The following PKD2 variants were observed in gnomAD, a reference collection of about 807,000 sequenced individuals.
PKD2 encodes polycystin-2.
PKD2 carries 48 observed loss-of-function variants against 105.9 expected under a neutral mutation model. The ratio of observed to expected loss-of-function variants is 0.45; its 90% CI spans 0.36 to 0.58. The LOEUF (loss-of-function observed/expected upper bound fraction) is 0.58. Ranked by LOEUF, PKD2 falls within the 20% of genes least tolerant of loss-of-function variation. PKD2 has a pLI of 0.00. For synonymous variants in PKD2, 464 were observed against 481.1 expected (o/e 0.96, Z 0.46); for missense variants, 1,078 against 1,255.3 (o/e 0.86, Z 2.13).
intron 1 of PKD2, among the ~76,000 whole-genome samples, chr4:88,015,992 C>T (rs1411506285): frequency 6.6e-6 from 1 of 152,180 alleles, no homozygotes; most frequent in Non-Finnish European, 1.5e-5. Context: ...AACTGTTCCA[C>T]CTCAGATCAT....
intron 13 of PKD2, among the ~76,000 whole-genome samples, chr4:88,069,962 G>A (rs905389596): frequency 6.6e-6 from 1 of 152,144 alleles, no homozygotes; most frequent in African/African-American, 2.4e-5. Context: ...AAGGAGAAAT[G>A]TACATATATA....
At chr4:88,045,480 G>A (rs780216140) in intron 5 of PKD2, among the ~76,000 whole-genome samples, 4 of 152,236 alleles carry the variant, frequency 2.6e-5, no homozygotes, top group Non-Finnish European at 5.9e-5. Context: ...TGTATGCTCA[G>A]GTTCCAGGTG....
intron 6 of PKD2, among the ~76,000 whole-genome samples, chr4:88,049,969 A>ATTTTTTTT (rs397881137): frequency 1.7e-5 from 2 of 118,540 alleles, no homozygotes; most frequent in Non-Finnish European, 3.3e-5. Context: ...TACAGGGTAA[A>ATTTTTTTT]TTTTTTTTTT....
intron 10 of PKD2, among the ~76,000 whole-genome samples, chr4:88,063,000 T>C (rs1298879130): frequency 6.6e-6 from 1 of 152,228 alleles, no homozygotes; most frequent in Non-Finnish European, 1.5e-5. Context: ...ATTTCAGTTA[T>C]CATAGTATAT....
At chr4:88,064,701 G>A (rs1179275663) in intron 10 of PKD2, among the ~76,000 whole-genome samples, 1 of 151,916 alleles carries the variant, frequency 6.6e-6, no homozygotes, top group African/African-American at 2.4e-5. Context: ...ACACCAGCCT[G>A]GGCAACATGG....
chr4:88,047,966 T>C (rs1727837443), intron 6 of PKD2, among the ~76,000 whole-genome samples: 1 of 152,238 alleles, frequency 6.6e-6, no homozygotes, highest in African/African-American at 2.4e-5. Context: ...TTCATCCTTA[T>C]CACTTAATTA....
intron 4 of PKD2, among the ~76,000 whole-genome samples, chr4:88,039,027 G>A (rs946295362): frequency 6.6e-6 from 1 of 152,150 alleles, no homozygotes; most frequent in South Asian, 2.1e-4. Flanking sequence ...GGGGCTTTTT[G>A]TACACTTTGG....
In PKD2 at chr4:88,075,975, T is replaced by G. The variant is rs768091954; in HGVS notation, c.*281T>G. On this transcript the variant is annotated 3_prime_UTR_variant, in exon 15 of 15. Coordinates refer to ENST00000237596, the MANE Select transcript of PKD2 (RefSeq NM_000297.4). Reference sequence around the variant, plus strand: ...CGGTACGCCCAGTTGCCACCATGACTGAGTCTTCTCAGTTGACAATGAAGT... The same window carrying G: ...CGGTACGCCCAGTTGCCACCATGACGGAGTCTTCTCAGTTGACAATGAAGT... 2.6e-6 allele frequency: 1 copy of G among 378,072 alleles called. No individual in the cohort carries two copies. Among genetic ancestry groups the G allele is most frequent in the Non-Finnish European group, 4.9e-6 (1 of 205,590 alleles). 23.4% of individuals were successfully genotyped at this position (378,072 alleles called of 1,614,324 possible).
chr4:88,030,186 C>G (rs779851781), intron 2 of PKD2, among the ~76,000 whole-genome samples: 5 of 152,192 alleles, frequency 3.3e-5, no homozygotes, highest in Admixed American at 6.5e-5. Flanking sequence ...GGGTCTCACT[C>G]TGTCACCCAG....
chr4:88,046,880 A>C lies in PKD2; in HGVS notation c.1548+10A>C, dbSNP rs1467179872. On this transcript the variant is annotated intron_variant, in intron 6 of 14. Coordinates refer to ENST00000237596, the MANE Select transcript of PKD2 (RefSeq NM_000297.4). ...TGTTGTGATCGTTGTGGTAGGTTTG[A>C]GAACAACACCAAATTTCCTATTCTA... 6.9e-7 allele frequency: 1 copy of C among 1,451,022 alleles called. No homozygotes were observed. The highest frequency in any genetic ancestry group is 1.4e-5 in the African/African-American group (1 of 71,870). The allele number at this position is 1,451,022 out of a possible 1,614,324, so 89.9% of individuals were successfully genotyped here. A position where few individuals can be genotyped will look rare whatever the true frequency, so the allele number is the denominator to read the frequency against.
chr4:88,009,655 C>T (rs1340231488), intron 1 of PKD2, among the ~76,000 whole-genome samples: 2 of 152,168 alleles, frequency 1.3e-5, no homozygotes, highest in South Asian at 4.1e-4. Context: ...GATTCTTATA[C>T]TAGTTAATTT....
At chr4:88,070,935 T>C (rs1276699594) in intron 13 of PKD2, among the ~76,000 whole-genome samples, 1 of 151,946 alleles carries the variant, frequency 6.6e-6, no homozygotes, top group African/African-American at 2.4e-5. Context: ...GCACTTAGCC[T>C]GAATTTTTTA....
chr4:88,051,146 C>A (rs1466313164), intron 6 of PKD2, among the ~76,000 whole-genome samples: 1 of 152,006 alleles, frequency 6.6e-6, no homozygotes, highest in African/African-American at 2.4e-5. Flanking sequence ...AAGCTTAGAA[C>A]CAAAGCATAT....
At chr4:88,024,177 C>A (rs1043591681) in intron 2 of PKD2, among the ~76,000 whole-genome samples, 1 of 151,940 alleles carries the variant, frequency 6.6e-6, no homozygotes, top group Non-Finnish European at 1.5e-5. Flanking sequence ...AAAACAGTGT[C>A]TGGGTACGGT....
chr4:88,041,169 A>G (rs946450456), intron 4 of PKD2, among the ~76,000 whole-genome samples: 3 of 152,102 alleles, frequency 2.0e-5, no homozygotes, highest in African/African-American at 7.2e-5. Flanking sequence ...CCGTCTTCCT[A>G]TTGCCCTGAA....
chr4:88,052,950 T>C (rs1720165926), intron 7 of PKD2, among the ~76,000 whole-genome samples: 1 of 152,334 alleles, frequency 6.6e-6, no homozygotes, highest in African/African-American at 2.4e-5. Flanking sequence ...ACTATTTTCC[T>C]TATTGTCCCA....
At chr4:88,020,492 C>T (rs1400149324) in intron 2 of PKD2, among the ~76,000 whole-genome samples, 1 of 151,920 alleles carries the variant, frequency 6.6e-6, no homozygotes, top group African/African-American at 2.4e-5. Context: ...GATGCCTGAG[C>T]GAGAGACTAG....
chr4:88,074,682 C>CAACTT, intron 13 of PKD2, 130 bp from the exon 14 acceptor site: 1 of 971,530 alleles, frequency 1.0e-6, no homozygotes, highest in Non-Finnish European at 1.6e-6. Flanking sequence ...AAGCTTGAGA[C>CAACTT]AACTTAGAAA....
At chr4:88,075,354 C>T in intron 14 of PKD2, 104 bp from the exon 15 acceptor site, 2 of 884,946 alleles carry the variant, frequency 2.3e-6, no homozygotes, top group South Asian at 2.6e-5. Flanking sequence ...CTATTATATG[C>T]TGTAAATCTC....
Sources: gnomAD v4.1 joint callset for allele counts (sites outside exome capture counted in the v4.1 genomes callset) on GRCh38, gnomAD v4.1.1 for gene constraint, MANE v1.5 for transcripts, NCBI Gene and HGNC (gene_info 2026-07-23, HGNC 2026-07-21) for gene names.